PTPRB: variants seen among roughly 807,000 people sequenced by gnomAD.
PTPRB encodes the protein protein tyrosine phosphatase receptor type B, also known as receptor-type tyrosine-protein phosphatase beta.
A neutral mutation model predicts 238.1 loss-of-function variants in PTPRB; 97 were observed. That is an observed-to-expected ratio of 0.41 (90% CI 0.35 to 0.48). PTPRB has a LOEUF of 0.48. Ranked by LOEUF, PTPRB falls within the 20% of genes least tolerant of loss-of-function variation. The pLI is 0.30. For synonymous variants in PTPRB, 970 were observed against 995.4 expected (o/e 0.97, Z 0.48); for missense variants, 2,292 against 2,681.9 (o/e 0.85, Z 3.21).
intron 10 of PTPRB, among the ~76,000 whole-genome samples, chr12:70,577,512 G>A (rs980236874): frequency 4.6e-5 from 7 of 152,102 alleles, no homozygotes; most frequent in Non-Finnish European, 1.0e-4. Context: ...TCAGAAATAG[G>A]TGCCCATTAA....
intron 31 of PTPRB, among the ~76,000 whole-genome samples, chr12:70,532,940 C>T (rs1873519561): frequency 6.6e-6 from 1 of 152,134 alleles, no homozygotes; most frequent in Admixed American, 6.5e-5. Flanking sequence ...ATACCACACC[C>T]AGCTGATCTA....
chr12:70,611,729 TAACA>T (rs1370266906), intron 3 of PTPRB, among the ~76,000 whole-genome samples: 23 of 152,356 alleles, frequency 1.5e-4, no homozygotes, highest in Admixed American at 1.3e-3. Context: ...CCTTTCAAGT[TAACA>T]AACACTCAAA....
At chr12:70,545,957 C>T (rs559755456) in intron 21 of PTPRB, among the ~76,000 whole-genome samples, 2 of 152,114 alleles carry the variant, frequency 1.3e-5, no homozygotes, top group Admixed American at 6.5e-5. Flanking sequence ...GCCAACGTGG[C>T]AAAACCCCGT....
At chr12:70,595,361 A>G in intron 5 of PTPRB, among the ~76,000 whole-genome samples, 1 of 152,190 alleles carries the variant, frequency 6.6e-6, no homozygotes, top group South Asian at 2.1e-4. Flanking sequence ...TGATGGGTTG[A>G]TGGGTGCAGC....
At chr12:70,566,902 C>G (rs1879375561) in intron 14 of PTPRB, among the ~76,000 whole-genome samples, 198 bp from the exon 15 acceptor site, 1 of 152,172 alleles carries the variant, frequency 6.6e-6, no homozygotes, top group Admixed American at 6.5e-5. Flanking sequence ...TGTACAACTA[C>G]TTTGATTCTC....
chr12:70,619,906 T>G (rs1367746492), intron 3 of PTPRB, among the ~76,000 whole-genome samples: 1 of 152,212 alleles, frequency 6.6e-6, no homozygotes, highest in African/African-American at 2.4e-5. Flanking sequence ...CCCAAGTGAC[T>G]CATTTTTACT....
intron 18 of PTPRB, among the ~76,000 whole-genome samples, chr12:70,556,943 G>T (rs1877773321): frequency 6.6e-6 from 1 of 152,192 alleles, no homozygotes; most frequent in South Asian, 2.1e-4. Context: ...AGGTAAATAA[G>T]ACGTTAGCTC....
intron 4 of PTPRB, among the ~76,000 whole-genome samples, chr12:70,608,053 C>T (rs1263840033): frequency 6.6e-6 from 1 of 152,068 alleles, no homozygotes; most frequent in Non-Finnish European, 1.5e-5. Flanking sequence ...GCTGCACCTG[C>T]CTTTAGAGCT....
At chr12:70,536,429 C>G (rs1565911337) in intron 28 of PTPRB, among the ~76,000 whole-genome samples, 1 of 152,184 alleles carries the variant, frequency 6.6e-6, no homozygotes, top group East Asian at 1.9e-4. Context: ...ACACTTCACC[C>G]TCAATTATAT....
At position 70,609,793 on chromosome 12, in the gene PTPRB, A is replaced by C. The variant is rs115721061; in HGVS notation, c.709-454T>G. 2,257 of 1,587,706 alleles carry C rather than the reference A, an allele frequency of 1.4e-3. 16 individuals carry two copies. In the African/African-American group the frequency reaches 0.025, roughly 18 times the overall value. The stretch of plus-strand genomic sequence containing the variant: ...AGGCTCAGTGTGATCCACAAGGCCA[A>C]CCCGGCTCCATGGCTCAGCATTGCG... On this transcript the variant is annotated intron_variant, in intron 3 of 33. Transcript: ENST00000334414.
In PTPRB at chr12:70,572,030, C is replaced by T. The variant is rs724159873; in HGVS notation, c.2900G>A (p.Arg967Lys). 6.2e-7 allele frequency: 1 copy of T among 1,613,802 alleles called. No individual in the cohort carries two copies. Residue 967 changes from arginine (R) to lysine (K), a missense_variant, in exon 12 of 34, where the codon AGG (arginine) becomes AAG (lysine). Transcript: ENST00000334414. ...TCCAGTGGCATGCACCCAGGATACC[C>T]TTAAATAGTCACTCCTGGCTGAGTT... ...VSNSARSDYL[R>K]VSWVHATGDF...
intron 5 of PTPRB, among the ~76,000 whole-genome samples, chr12:70,595,213 CTG>C (rs1882887428): frequency 6.6e-6 from 1 of 152,034 alleles, no homozygotes; most frequent in African/African-American, 2.4e-5. Flanking sequence ...AAACCAAACA[CTG>C]CATGTTCTCA....
chr12:70,586,771 C>T (rs750457931), intron 9 of PTPRB, among the ~76,000 whole-genome samples: 3 of 152,152 alleles, frequency 2.0e-5, no homozygotes, highest in Admixed American at 6.5e-5. Flanking sequence ...CTCCTTGAAA[C>T]GGTTGTTCTT....
At chr12:70,624,308 A>G (rs1042983994) in intron 2 of PTPRB, among the ~76,000 whole-genome samples, 2 of 152,108 alleles carry the variant, frequency 1.3e-5, no homozygotes, top group African/African-American at 4.8e-5. Flanking sequence ...TGCTGCGTAT[A>G]TTATCTGGCG....
intron 3 of PTPRB, among the ~76,000 whole-genome samples, chr12:70,622,175 T>A (rs1884969297): frequency 6.6e-6 from 1 of 152,196 alleles, no homozygotes; most frequent in Non-Finnish European, 1.5e-5. Context: ...GGCAGCCTAA[T>A]TATCGGCATC....
At chr12:70,540,394 C>T (rs537490975) in intron 23 of PTPRB, 14 of 208,880 alleles carry the variant, frequency 6.7e-5, no homozygotes, top group Admixed American at 1.6e-4. Flanking sequence ...GAGAAGAAGG[C>T]ACGACACTTG....
chr12:70,572,933 C>T lies in PTPRB; in HGVS notation c.2843-846G>A, dbSNP rs574025507. On this transcript the variant is annotated intron_variant, in intron 11 of 33. Transcript: ENST00000334414. The stretch of plus-strand genomic sequence containing the variant: ...GAAATACTGTTTTACATCCATTTGA[C>T]TGGCAAAATTAAAAAACTATATAAA... Among the ~76,000 whole-genome samples the T allele has an allele frequency of 1.6e-4, 24 of 152,122 alleles. No individual in the cohort carries two copies. In the South Asian group the frequency reaches 5.0e-3, roughly 32 times the overall value.
At position 70,555,320 on chromosome 12, in the gene PTPRB, AGGTGG is replaced by A; in HGVS notation, c.4994-16_4994-12del. 6.2e-7 allele frequency: 1 copy of A among 1,606,690 alleles called. No homozygotes were observed. Among genetic ancestry groups the A allele is most frequent in the Non-Finnish European group, 8.5e-7 (1 of 1,176,696 alleles). ...GTGGAGGAGGGGGGCCTGGAAAAAG[AGGTGG>A]GGAAGGAACCAAGAGGGGTCACAAC... On this transcript the variant is annotated splice_polypyrimidine_tract_variant and intron_variant, in intron 19 of 33. Coordinates refer to ENST00000334414, the MANE Select transcript of PTPRB (RefSeq NM_001109754.4).
chr12:70,523,620 G>C (rs1286576455), intron 33 of PTPRB, among the ~76,000 whole-genome samples: 2 of 152,054 alleles, frequency 1.3e-5, no homozygotes, highest in Non-Finnish European at 2.9e-5. Context: ...TCCTCAGCTA[G>C]GCTGGAAGAG....
Sources: gnomAD v4.1 joint callset for allele counts (sites outside exome capture counted in the v4.1 genomes callset) on GRCh38, gnomAD v4.1.1 for gene constraint, MANE v1.5 for transcripts, NCBI Gene and HGNC (gene_info 2026-07-23, HGNC 2026-07-21) for gene names.